PACC1: variants seen among roughly 807,000 people sequenced by gnomAD.
PACC1 encodes proton activated chloride channel 1.
A neutral mutation model predicts 39.7 loss-of-function variants in PACC1; 34 were observed. That is an observed-to-expected ratio of 0.86 (90% CI 0.65 to 1.14). The LOEUF is 1.14. PACC1 is among the 50% of genes most tolerant of loss of function. The pLI is 0.00. For missense variants in PACC1, 379 were observed against 436.4 expected, an observed-to-expected ratio of 0.87 and a Z score of 1.17; for synonymous variants, 127 against 160.6, an observed-to-expected ratio of 0.79 and a Z score of 1.58.
At chr1:212,398,838 G>A (rs1235986622) in intron 2 of PACC1, among the ~76,000 whole-genome samples, 2 of 152,158 alleles carry the variant, frequency 1.3e-5, no homozygotes, top group Non-Finnish European at 2.9e-5. Flanking sequence ...TTCTCCCCGA[G>A]AAAGTATCCT....
At chr1:212,373,205 A>G (rs1660523097) in intron 7 of PACC1, among the ~76,000 whole-genome samples, 1 of 152,254 alleles carries the variant, frequency 6.6e-6, no homozygotes. Context: ...AAATCCATGT[A>G]TATGCAACGA....
At chr1:212,413,532 T>TG (rs1662212116) in intron 1 of PACC1, among the ~76,000 whole-genome samples, 3 of 152,142 alleles carry the variant, frequency 2.0e-5, no homozygotes, top group Non-Finnish European at 2.9e-5. Flanking sequence ...TCTGGGGGCA[T>TG]TTTACCCAAT....
chr1:212,381,122 A>G (rs926418695), intron 4 of PACC1, among the ~76,000 whole-genome samples: 3 of 152,118 alleles, frequency 2.0e-5, no homozygotes. Flanking sequence ...TGTCTATTTG[A>G]TCTGTGAATT....
chr1:212,404,528 C>T (rs1393819692), intron 2 of PACC1, among the ~76,000 whole-genome samples: 1 of 151,892 alleles, frequency 6.6e-6, no homozygotes, highest in African/African-American at 2.4e-5. Context: ...TGCTCACCAG[C>T]CCTCTGCCCC....
Position 212,380,015 on chromosome 1 carries a change from C to A in PACC1, c.518G>T (p.Gly173Val), listed in dbSNP as rs1248532789. ...QTVKSALIVQGPREVKKRELV... is the reference protein window; with the variant it reads ...QTVKSALIVQVPREVKKRELV... ...CTCCCGCTTTTTCACTTCCCGGGGC[C>A]CCTGGACAATCAGGGCAGATTTCTG... Residue 173 changes from glycine (G) to valine (V), a missense_variant, in exon 5 of 8, where the codon GGG (glycine) becomes GTG (valine). Gly to Val is a moderately radical substitution (Grantham distance 109). Coordinates refer to ENST00000261455, the MANE Select transcript of PACC1 (RefSeq NM_018252.3). 1 of 1,614,016 alleles carries A rather than the reference C, an allele frequency of 6.2e-7. No homozygotes were observed. The highest frequency in any genetic ancestry group is 2.2e-5 in the East Asian group (1 of 44,886).
At chr1:212,370,515 G>A (rs983541341) in intron 7 of PACC1, among the ~76,000 whole-genome samples, 1 of 152,208 alleles carries the variant, frequency 6.6e-6, no homozygotes, top group Non-Finnish European at 1.5e-5. Flanking sequence ...TCAGCACATG[G>A]AACATTCTCC....
intron 7 of PACC1, among the ~76,000 whole-genome samples, chr1:212,370,185 G>A (rs1660393134): frequency 6.6e-6 from 1 of 152,124 alleles, no homozygotes; most frequent in Non-Finnish European, 1.5e-5. Context: ...CATTTCATCT[G>A]GCCAGGTGCG....
chr1:212,371,674 C>A (rs1010209038), intron 7 of PACC1, among the ~76,000 whole-genome samples: 5 of 152,156 alleles, frequency 3.3e-5, no homozygotes, highest in Admixed American at 3.3e-4. Context: ...AAACTCGGTT[C>A]TGCAAGGCCA....
At chr1:212,378,375 G>A (rs1660747383) in intron 5 of PACC1, among the ~76,000 whole-genome samples, 1 of 152,220 alleles carries the variant, frequency 6.6e-6, no homozygotes, top group South Asian at 2.1e-4. Context: ...AAGGGAGAGG[G>A]AATTCTAGGT....
At chr1:212,396,457 G>C (rs1263171582) in intron 2 of PACC1, among the ~76,000 whole-genome samples, 2 of 151,944 alleles carry the variant, frequency 1.3e-5, no homozygotes, top group Non-Finnish European at 2.9e-5. Flanking sequence ...GAAGGGGTAG[G>C]GATAGCATTA....
intron 1 of PACC1, among the ~76,000 whole-genome samples, chr1:212,414,379 T>C (rs767049839): frequency 1.2e-4 from 19 of 152,312 alleles, no homozygotes; most frequent in Admixed American, 1.0e-3. Flanking sequence ...CTCTGGGCCA[T>C]TGGGCTGCCG....
chr1:212,412,618 C>T (rs1025674619), intron 1 of PACC1, among the ~76,000 whole-genome samples: 1 of 152,230 alleles, frequency 6.6e-6, no homozygotes, highest in Admixed American at 6.5e-5. Flanking sequence ...CCTTCCAGTG[C>T]CTCCCACTTT....
chr1:212,389,492 A>G (rs1047803718), intron 2 of PACC1, among the ~76,000 whole-genome samples: 21 of 152,234 alleles, frequency 1.4e-4, no homozygotes, highest in African/African-American at 2.2e-4. Flanking sequence ...CAGAATCTCT[A>G]TATCATTCAT....
chr1:212,413,988 A>G, intron 1 of PACC1: 1 of 1,535,868 alleles, frequency 6.5e-7, no homozygotes, highest in Non-Finnish European at 8.7e-7. Context: ...TTGGGGGCCG[A>G]GAAGTGGAGG....
chr1:212,365,628 AG>A (rs1362593895), intron 7 of PACC1, among the ~76,000 whole-genome samples: 1 of 152,012 alleles, frequency 6.6e-6, no homozygotes, highest in Admixed American at 6.6e-5. Flanking sequence ...GTTATTATCA[AG>A]AGCCCTTCCC....
chr1:212,405,386 T>A (rs191033617), intron 2 of PACC1, among the ~76,000 whole-genome samples: 133 of 152,264 alleles, frequency 8.7e-4, no homozygotes, highest in Non-Finnish European at 1.6e-3. Context: ...ATTAACTGAA[T>A]AATTAAACTC....
chr1:212,379,088 T>C (rs903879432), intron 5 of PACC1, among the ~76,000 whole-genome samples: 1 of 151,766 alleles, frequency 6.6e-6, no homozygotes, highest in South Asian at 2.1e-4. Context: ...GGACTACAGG[T>C]GCCCGCTACC....
At chr1:212,395,015 G>A (rs1351065593) in intron 2 of PACC1, among the ~76,000 whole-genome samples, 2 of 152,102 alleles carry the variant, frequency 1.3e-5, no homozygotes, top group Non-Finnish European at 2.9e-5. Flanking sequence ...TACTGCCCAA[G>A]GTAATTTATA....
rs923120912 is a variant in PACC1, at chr1:212,386,113, G to A, written c.344-688C>T. Among the ~76,000 whole-genome samples the A allele has an allele frequency of 6.6e-6, 1 of 152,128 alleles. No individual in the cohort carries two copies. Among genetic ancestry groups the A allele is most frequent in the Non-Finnish European group, 1.5e-5 (1 of 68,014 alleles). On this transcript the variant is annotated intron_variant, in intron 3 of 7. Coordinates refer to ENST00000261455, the MANE Select transcript of PACC1 (RefSeq NM_018252.3). This position sits in a 1 kb window ranked among gnomAD's most constrained non-coding sequence, Gnocchi z 5.0. ...CATGACCAGCACACCTGACTCTGCTGGAGGCTGGCAGGAAGCCCCAGAGAG... is the reference window on the plus strand; with the variant it reads ...CATGACCAGCACACCTGACTCTGCTAGAGGCTGGCAGGAAGCCCCAGAGAG...
Sources: allele counts gnomAD v4.1 joint callset (sites outside exome capture counted in the v4.1 genomes callset), GRCh38; gene constraint gnomAD v4.1.1; non-coding constraint Gnocchi (gnomAD v3.1); transcripts MANE v1.5; gene names NCBI Gene and HGNC (gene_info 2026-07-23, HGNC 2026-07-21).